CHPF2: variants seen among roughly 807,000 people sequenced by gnomAD.
CHPF2 encodes chondroitin polymerizing factor 2, also known as chondroitin polymerizing factor 2, non-catalytic subunit.
CHPF2 carries 58 observed loss-of-function variants against 63.0 expected under a neutral mutation model. That is an observed-to-expected ratio of 0.92 (90% CI 0.75 to 1.15). The LOEUF (loss-of-function observed/expected upper bound fraction) is 1.15, where lower values mean the gene tolerates loss of function less well. CHPF2 is among the 50% of genes most tolerant of loss of function. The probability of loss-of-function intolerance (pLI) is 0.00; values close to 1 mark genes in which losing one functional copy is unlikely to be tolerated. For missense variants in CHPF2, 1,045 were observed against 1,035.4 expected (o/e 1.01, Z -0.13); for synonymous variants, 442 against 438.0 (o/e 1.01, Z -0.11).
chr7:151,235,425 T>C lies in CHPF2; in HGVS notation c.641T>C (p.Ile214Thr), dbSNP rs200727358. 54 of 1,612,782 alleles carry C rather than the reference T, an allele frequency of 3.3e-5. No individual in the cohort carries two copies. In the African/African-American group the frequency reaches 6.4e-4, roughly 19 times the overall value. Residue 214 changes from isoleucine to threonine, a missense_variant, in exon 2 of 4, where the codon ATT (isoleucine) becomes ACT (threonine). Physicochemically the swap from Ile to Thr is moderately conservative, Grantham distance 89 (BLOSUM62 -1). Transcript: ENST00000035307. ...TACTTAGGCCGGGCAGAGGAGTTCA[T>C]TGGCGCAGGCGAGCAGGCCCGGTAC... ...DLYLGRAEEF[I>T]GAGEQARYCH...
At position 151,236,575 on chromosome 7, in the gene CHPF2, A is replaced by G; in HGVS notation, c.996A>G (p.Glu332=). The change falls in exon 3 of 4, where the codon GAA becomes GAG. Residue 332 remains glutamate (E), a synonymous_variant. Transcript: ENST00000035307. The stretch of plus-strand genomic sequence containing the variant: ...TGGAGTTGGAGCGGGCTTACAGTGA[A>G]ATAGAACAACTGCAGGTGAGCTGAA... ...SALELERAYS[E]IEQLQAQIRN... 1.9e-6 allele frequency: 3 copies of G among 1,585,056 alleles called. No individual in the cohort carries two copies. The highest frequency in any genetic ancestry group is 1.7e-6 in the Non-Finnish European group (2 of 1,161,318).
chr7:151,235,547 C>A lies in CHPF2; in HGVS notation c.763C>A (p.Pro255Thr). ...CCGAGGAGACATTCTCAGTGCCCGT[C>A]CTGACGAGTGGCTTGGACGCTGCCT... ...GCRGDILSAR[P>T]DEWLGRCLID... Residue 255 changes from proline to threonine, a missense_variant, in exon 2 of 4, where the codon CCT becomes ACT. Pro to Thr is a conservative substitution (Grantham distance 38). Coordinates refer to ENST00000035307, the MANE Select transcript of CHPF2 (RefSeq NM_019015.3). 6.2e-7 allele frequency: 1 copy of A among 1,611,000 alleles called. No homozygotes were observed.
Position 151,238,797 on chromosome 7 carries a change from T to C in CHPF2, c.*116T>C. 4.5e-6 allele frequency: 7 copies of C among 1,549,996 alleles called. No homozygotes were observed. The highest frequency in any genetic ancestry group is 5.2e-6 in the Non-Finnish European group (6 of 1,152,606). Reference sequence around the variant, plus strand: ...TTGCTGTATTTTTTAAATATGAAAATGTTATTAAACATGTCTTCTGCCAAA... The same window carrying C: ...TTGCTGTATTTTTTAAATATGAAAACGTTATTAAACATGTCTTCTGCCAAA... On this transcript the variant is annotated 3_prime_UTR_variant, in exon 4 of 4. Transcript: ENST00000035307.
chr7:151,234,944 C>T, intron 1 of CHPF2, 104 bp from the exon 2 acceptor site: 1 of 840,358 alleles, frequency 1.2e-6, no homozygotes, highest in South Asian at 1.9e-5. Flanking sequence ...GGAAGTTTCT[C>T]CCTTCTCAGC....
At chr7:151,235,670 TG>T in intron 2 of CHPF2, 58 bp downstream of exon 2, 1 of 1,470,434 alleles carries the variant, frequency 6.8e-7, no homozygotes, top group East Asian at 2.3e-5. Flanking sequence ...GATGAGTGAT[TG>T]GCCTTCCTCC....
In CHPF2 at chr7:151,237,465, C is replaced by G. The variant is rs555874641; in HGVS notation, c.1103C>G (p.Ser368Cys). The change falls in exon 4 of 4, where the codon TCT becomes TGT. Residue 368 changes from serine (S) to cysteine (C), a missense_variant. Transcript: ENST00000035307. ...CTCCCTGCTCCTTTCACACCACACT[C>G]TCGCTTTGAGGTGCTGGGCTGGGAC... is the stretch of plus-strand genomic sequence containing the variant. ...VGLPAPFTPH[S>C]RFEVLGWDYF... 6.2e-7 allele frequency: 1 copy of G among 1,613,988 alleles called. No homozygotes were observed. The highest frequency in any genetic ancestry group is 8.5e-7 in the Non-Finnish European group (1 of 1,179,990).
chr7:151,232,555 G>T lies in CHPF2; in HGVS notation c.-1457G>T, dbSNP rs1802499123. On this transcript the variant is annotated 5_prime_UTR_variant, in exon 1 of 4. Transcript: ENST00000035307. ...CGGAGCCGGCGCCTCAGCGGGCACT[G>T]GGGTCTGTTCCCCCTTCCCCGTCCC... 1.9e-6 allele frequency: 1 copy of T among 524,824 alleles called. No individual in the cohort carries two copies. Among genetic ancestry groups the T allele is most frequent in the African/African-American group, 2.0e-5 (1 of 49,192 alleles). 32.5% of individuals were successfully genotyped at this position (524,824 alleles called of 1,614,324 possible). A position where few individuals can be genotyped will look rare whatever the true frequency, so the allele number is the denominator to read the frequency against.
intron 1 of CHPF2, among the ~76,000 whole-genome samples, chr7:151,234,528 G>A (rs767030261): frequency 2.0e-5 from 3 of 151,984 alleles, no homozygotes; most frequent in Admixed American, 6.6e-5. Flanking sequence ...TCTTGCTCTC[G>A]TCGCCCAGGC....
chr7:151,238,514 C>G lies in CHPF2; in HGVS notation c.2152C>G (p.Arg718Gly), dbSNP rs747755752. The G allele has an allele frequency of 1.9e-6, 3 of 1,602,870 alleles. No individual in the cohort carries two copies. Among genetic ancestry groups the G allele is most frequent in the African/African-American group, 1.3e-5 (1 of 74,656 alleles). ...CCGGTTCTCAGGGCTCCACCTCTTT[C>G]GGGCCGTAGAGCCAGGGCTGGTGCA... is the stretch of plus-strand genomic sequence containing the variant. ...FLRFSGLHLFRAVEPGLVQKF... is the reference protein window; with the variant it reads ...FLRFSGLHLFGAVEPGLVQKF... The change falls in exon 4 of 4, where the codon CGG becomes GGG. Residue 718 changes from arginine (R) to glycine (G), a missense_variant. Transcript: ENST00000035307.
rs765098512 is a variant in CHPF2, at chr7:151,238,127, CTCT to C, written c.1771_1773del (p.Phe591del). On this transcript the variant is annotated inframe_deletion, in exon 4 of 4. Transcript: ENST00000035307. ...CTCGAAGAAGCACCCTGTGGACACTCTCTTCTTCCTTACCACCGTGTGGACAAG... is the reference window on the plus strand; with the variant it reads ...CTCGAAGAAGCACCCTGTGGACACTCTCTTCCTTACCACCGTGTGGACAAG... 3.1e-6 allele frequency: 5 copies of C among 1,612,398 alleles called. No homozygotes were observed. The highest frequency in any genetic ancestry group is 2.2e-5 in the East Asian group (1 of 44,890).
chr7:151,238,778 T>A lies in CHPF2; in HGVS notation c.*97T>A. The stretch of plus-strand genomic sequence containing the variant: ...GTGGACAGATAGAGAATTGTTGCTG[T>A]ATTTTTTAAATATGAAAATGTTATT... On this transcript the variant is annotated 3_prime_UTR_variant, in exon 4 of 4. Coordinates refer to ENST00000035307, the MANE Select transcript of CHPF2 (RefSeq NM_019015.3). The A allele has an allele frequency of 3.2e-6, 5 of 1,572,418 alleles. No homozygotes were observed. The highest frequency in any genetic ancestry group is 4.3e-6 in the Non-Finnish European group (5 of 1,163,584).
In CHPF2 at chr7:151,234,117, G is replaced by A. The variant is rs759213450; in HGVS notation, c.106G>A (p.Gly36Arg). 5 of 1,611,594 alleles carry A rather than the reference G, an allele frequency of 3.1e-6. No homozygotes were observed. The African/African-American group carries it at 5.3e-5, about 17-fold the overall frequency. ...LSLLRVSWIQ[G>R]EGEDPCVEAV... ...CCTCCTGCGGGTTTCCTGGATCCAG[G>A]GGGAGGGAGAAGATCCCTGTGTCGA... The change falls in exon 1 of 4, where the codon GGG (glycine) becomes AGG (arginine). Residue 36 changes from glycine (G) to arginine (R), a missense_variant. Coordinates refer to ENST00000035307, the MANE Select transcript of CHPF2 (RefSeq NM_019015.3).
Position 151,233,213 on chromosome 7 carries a change from C to T in CHPF2, c.-799C>T, listed in dbSNP as rs751123871. Reference sequence around the variant, plus strand: ...CAGTCCCCGCCTGCTGTCTCCTCAGCAGCTGGGGTTCCGAGGAGAATGCCC... The same window carrying T: ...CAGTCCCCGCCTGCTGTCTCCTCAGTAGCTGGGGTTCCGAGGAGAATGCCC... On this transcript the variant is annotated 5_prime_UTR_variant, in exon 1 of 4. Coordinates refer to ENST00000035307, the MANE Select transcript of CHPF2 (RefSeq NM_019015.3). The T allele has an allele frequency of 4.5e-5, 46 of 1,015,430 alleles. No homozygotes were observed. The highest frequency in any genetic ancestry group is 5.4e-5 in the Non-Finnish European group (46 of 849,958). 62.9% of individuals were successfully genotyped at this position (1,015,430 alleles called of 1,614,324 possible). A position where few individuals can be genotyped will look rare whatever the true frequency, so the allele number is the denominator to read the frequency against.
At chr7:151,236,614 G>A in intron 3 of CHPF2, 24 bp downstream of exon 3, 1 of 1,524,086 alleles carries the variant, frequency 6.6e-7, no homozygotes, top group Non-Finnish European at 8.8e-7. Flanking sequence ...GAGCAGGTGG[G>A]CAGAGGACCG....
chr7:151,234,033 G>A lies in CHPF2; in HGVS notation c.22G>A (p.Ala8Thr), dbSNP rs771442256. Residue 8 changes from alanine (A) to threonine (T), a missense_variant, in exon 1 of 4, where the codon GCT becomes ACT. By Grantham distance (58) the Ala-to-Thr change is moderately conservative. Transcript: ENST00000035307. Reference protein sequence around the residue: MRLSSLLALLRPALPLIL... With the variant: MRLSSLLTLLRPALPLIL... ...CACCATGCGACTGAGCTCCCTGTTGGCTCTGCTGCGGCCAGCGCTTCCCCT... is the reference window on the plus strand; with the variant it reads ...CACCATGCGACTGAGCTCCCTGTTGACTCTGCTGCGGCCAGCGCTTCCCCT... 14 of 1,536,782 alleles carry A rather than the reference G, an allele frequency of 9.1e-6. 2 individuals are homozygous for A. The South Asian group carries it at 1.6e-4, about 18-fold the overall frequency.
In CHPF2 at chr7:151,232,649, A is replaced by C; in HGVS notation, c.-1363A>C. The C allele has an allele frequency of 9.5e-7, 1 of 1,056,638 alleles. No homozygotes were observed. Among genetic ancestry groups the C allele is most frequent in the Non-Finnish European group, 1.3e-6 (1 of 762,590 alleles). 65.5% of individuals were successfully genotyped at this position (1,056,638 alleles called of 1,614,324 possible). On this transcript the variant is annotated 5_prime_UTR_variant, in exon 1 of 4. Coordinates refer to ENST00000035307, the MANE Select transcript of CHPF2 (RefSeq NM_019015.3). Reference sequence around the variant, plus strand: ...CGCCTCCGCCCCGCCCCCTCCCGGGACGCCGGGAGACCCCGGCCGTCCTTT... The same window carrying C: ...CGCCTCCGCCCCGCCCCCTCCCGGGCCGCCGGGAGACCCCGGCCGTCCTTT...
chr7:151,233,421 G>A lies in CHPF2; in HGVS notation c.-591G>A. 1.0e-6 allele frequency: 1 copy of A among 985,760 alleles called. No homozygotes were observed. Among genetic ancestry groups the A allele is most frequent in the Non-Finnish European group, 1.2e-6 (1 of 830,164 alleles). The allele number at this position is 985,760 out of a possible 1,614,324, so 61.1% of individuals were successfully genotyped here. On this transcript the variant is annotated 5_prime_UTR_variant, in exon 1 of 4. Coordinates refer to ENST00000035307, the MANE Select transcript of CHPF2 (RefSeq NM_019015.3). ...TCAAACACGGGGAGCAGAGTAGAAA[G>A]AGGCTCTGGCCCCTTCCCTTGTGCC...
At chr7:151,234,658 ATT>A (rs1802577240) in intron 1 of CHPF2, among the ~76,000 whole-genome samples, 1 of 151,986 alleles carries the variant, frequency 6.6e-6, no homozygotes, top group African/African-American at 2.4e-5. Context: ...CGCCCAGCTA[ATT>A]TTGTATTTTT....
chr7:151,235,231 G>A lies in CHPF2; in HGVS notation c.447G>A (p.Val149=). Residue 149 remains valine (V), a synonymous_variant, in exon 2 of 4, where the codon GTG becomes GTA. Transcript: ENST00000035307. The part of the protein sequence containing the change: ...GARAPAGMQV[V]SHGDERPAWL... Reference sequence around the variant, plus strand: ...GGGCTCCAGCAGGGATGCAGGTGGTGTCTCATGGGGATGAGCGGCCCGCCT... The same window carrying A: ...GGGCTCCAGCAGGGATGCAGGTGGTATCTCATGGGGATGAGCGGCCCGCCT... The A allele has an allele frequency of 6.2e-7, 1 of 1,613,222 alleles. No individual in the cohort carries two copies. Among genetic ancestry groups the A allele is most frequent in the South Asian group, 1.1e-5 (1 of 91,078 alleles).
Sources: gnomAD v4.1 joint callset for allele counts (sites outside exome capture counted in the v4.1 genomes callset) on GRCh38, gnomAD v4.1.1 for gene constraint, MANE v1.5 for transcripts, NCBI Gene and HGNC (gene_info 2026-07-23, HGNC 2026-07-21) for gene names.